The following SLC7A11 variants were observed in gnomAD, a reference collection of about 807,000 sequenced individuals.
SLC7A11 encodes cystine/glutamate transporter.
In SLC7A11, 35 loss-of-function variants were observed where a neutral mutation model predicts 54.5. The ratio of observed to expected loss-of-function variants is 0.64; its 90% confidence interval spans 0.49 to 0.85. The LOEUF is 0.85. Among genes scored for constraint, SLC7A11 ranks in the 40% least tolerant of loss-of-function variants. The pLI, the probability that SLC7A11 is intolerant of heterozygous loss-of-function variation, is 0.00. For missense variants in SLC7A11, 583 were observed against 618.1 expected (o/e 0.94, Z 0.60); for synonymous variants, 230 against 225.2 (o/e 1.02, Z -0.19).
chr4:138,182,317 G>C lies in SLC7A11; in HGVS notation c.1096C>G (p.Leu366Val). ...SMIHVRKHTP[L>V]PAVIVLHPLT... Reference sequence around the variant, plus strand: ...ATTACCAAAACAATAACAGCTGGTAGAGGAGTGTGCTTGCGGACATGAATC... The same window carrying C: ...ATTACCAAAACAATAACAGCTGGTACAGGAGTGTGCTTGCGGACATGAATC... The change falls in exon 9 of 12, where the codon CTA becomes GTA. Residue 366 changes from leucine to valine, a missense_variant. By Grantham distance (32) the Leu-to-Val change is conservative. Coordinates refer to ENST00000280612, the MANE Select transcript of SLC7A11 (RefSeq NM_014331.4). The C allele has an allele frequency of 1.2e-6, 2 of 1,608,562 alleles. No individual in the cohort carries two copies. The highest frequency in any genetic ancestry group is 1.7e-6 in the Non-Finnish European group (2 of 1,175,370).
chr4:138,178,251 T>G (rs899128089), intron 11 of SLC7A11: 4 of 152,172 alleles, frequency 2.6e-5, no homozygotes, highest in African/African-American at 9.7e-5. Flanking sequence ...TCTGTTCCTG[T>G]GTTAGTTTGC....
intron 3 of SLC7A11, among the ~76,000 whole-genome samples, 189 bp from the exon 4 acceptor site, chr4:138,223,513 C>T (rs1440528083): frequency 6.6e-6 from 1 of 152,160 alleles, no homozygotes; most frequent in African/African-American, 2.4e-5. Context: ...AACAGGTTCT[C>T]CAGCTGGTTT....
In SLC7A11 at chr4:138,170,233, A is replaced by AGTGTGTGTGT. The variant is rs1285231800; in HGVS notation, c.*1713_*1722dup. 4 of 98,626 alleles carry AGTGTGTGTGT rather than the reference A, an allele frequency of 4.1e-5. No homozygotes were observed. Among genetic ancestry groups the AGTGTGTGTGT allele is most frequent in the African/African-American group, 1.5e-4 (4 of 26,512 alleles). 6.1% of individuals were successfully genotyped at this position (98,626 alleles called of 1,614,324 possible). A position where few individuals can be genotyped will look rare whatever the true frequency, so the allele number is the denominator to read the frequency against. ...TATATATATATATATATATATAAAA[A>AGTGTGTGTGT]GTGTGTGTGTGTGTGTGTATATATA... On this transcript the variant is annotated 3_prime_UTR_variant, in exon 12 of 12. Transcript: ENST00000280612.
In SLC7A11 at chr4:138,179,237, C is replaced by A; in HGVS notation, c.1424G>T (p.Arg475Met). The change falls in exon 11 of 12, where the codon AGG becomes ATG. Residue 475 changes from arginine (R) to methionine (M), a missense_variant. Transcript: ENST00000280612. ...CTTACCCGACATTATTCTAAACCAC[C>A]TGGGTTTCTTGTCCCATATAATAAA... ...YLFIIWDKKP[R>M]WFRIMSEKIT... 6.2e-7 allele frequency: 1 copy of A among 1,610,288 alleles called. No homozygotes were observed. The highest frequency in any genetic ancestry group is 8.5e-7 in the Non-Finnish European group (1 of 1,177,096).
chr4:138,182,164 C>A, intron 9 of SLC7A11, 133 bp downstream of exon 9: 1 of 579,934 alleles, frequency 1.7e-6, no homozygotes, highest in Non-Finnish European at 3.1e-6. Context: ...GATATCCTGC[C>A]TCCCAAACTC....
At chr4:138,185,013 GA>G in intron 7 of SLC7A11, 107 bp downstream of exon 7, 1 of 1,278,048 alleles carries the variant, frequency 7.8e-7, no homozygotes, top group South Asian at 1.2e-5. Flanking sequence ...TTCAGGTCAA[GA>G]AAAGATTACT....
rs1048766342 is a variant in SLC7A11 at position 138,197,475 on chromosome 4, A to G, written c.792-12231T>C. On this transcript the variant is annotated intron_variant, in intron 6 of 11. Transcript: ENST00000280612. ...TTAGTTAACATTTTTTAAATCTGAAAGAAGAAAAATAAGTCAAGTTAATAA... is the reference window on the plus strand; with the variant it reads ...TTAGTTAACATTTTTTAAATCTGAAGGAAGAAAAATAAGTCAAGTTAATAA... Among the ~76,000 whole-genome samples the G allele has an allele frequency of 3.3e-5, 5 of 152,132 alleles. No individual in the cohort carries two copies. The East Asian group carries it at 9.6e-4, about 29-fold the overall frequency.
At position 138,178,811 on chromosome 4, in the gene SLC7A11, C is replaced by T. The variant is rs180681215; in HGVS notation, c.1444+406G>A. 2.0e-5 allele frequency among the ~76,000 whole-genome samples: 3 copies of T among 152,252 alleles called. No individual in the cohort carries two copies. The East Asian group carries it at 5.8e-4, about 29-fold the overall frequency. On this transcript the variant is annotated intron_variant, in intron 11 of 11. Coordinates refer to ENST00000280612, the MANE Select transcript of SLC7A11 (RefSeq NM_014331.4). ...ACAGTCATAATGTTTAAGGCATTTG[C>T]AGGCCACTGCCTAACTCCCCAACAA...
intron 11 of SLC7A11, among the ~76,000 whole-genome samples, chr4:138,172,371 T>C (rs1736448245): frequency 6.6e-6 from 1 of 152,254 alleles, no homozygotes; most frequent in Non-Finnish European, 1.5e-5. Context: ...TTATTCTTTT[T>C]GCACCTATGA....
At position 138,164,527 on chromosome 4, in the gene SLC7A11, G is replaced by C. The variant is rs887359903; in HGVS notation, c.*7429C>G. The C allele has an allele frequency of 3.9e-5, 6 of 152,122 alleles. No individual in the cohort carries two copies. Among genetic ancestry groups the C allele is most frequent in the African/African-American group, 1.4e-4 (6 of 41,444 alleles). The allele number at this position is 152,122 out of a possible 1,614,324, so 9.4% of individuals were successfully genotyped here. A position where few individuals can be genotyped will look rare whatever the true frequency, so the allele number is the denominator to read the frequency against. The stretch of plus-strand genomic sequence containing the variant: ...GAAACAACGCAATCCACAGATGAAA[G>C]TCTCTCTGCACCATTTATATCTTCA... On this transcript the variant is annotated 3_prime_UTR_variant, in exon 12 of 12. Transcript: ENST00000280612.
rs1226650723 is a variant in SLC7A11 at position 138,179,259 on chromosome 4, TAA to T, written c.1400_1401del (p.Phe467TyrfsTer11). 1 of 1,612,110 alleles carries T rather than the reference TAA, an allele frequency of 6.2e-7. No homozygotes were observed. The highest frequency in any genetic ancestry group is 1.3e-5 in the African/African-American group (1 of 74,808). On this transcript the variant is annotated frameshift_variant, in exon 11 of 12. Transcript: ENST00000280612. LOFTEE classifies it high-confidence loss of function. ...CACCTGGGTTTCTTGTCCCATATAA[TAA>T]AGAGATAATACGCAGGGACTCCAGT... ...TLTGVPAYYL[F>X]IIWDKKPRWF...
At chr4:138,213,981 T>C (rs886100337) in intron 6 of SLC7A11, among the ~76,000 whole-genome samples, 18 of 152,276 alleles carry the variant, frequency 1.2e-4, no homozygotes, top group African/African-American at 3.8e-4. Context: ...ATAAGAATAA[T>C]TCATTTTTCC....
chr4:138,197,958 TAATA>T (rs980633761), intron 6 of SLC7A11, among the ~76,000 whole-genome samples: 1 of 149,856 alleles, frequency 6.7e-6, no homozygotes, highest in Non-Finnish European at 1.5e-5. Context: ...AAATATAATA[TAATA>T]AATAAAAAGT....
chr4:138,183,401 G>C (rs1042119914), intron 7 of SLC7A11, 96 bp from the exon 8 acceptor site: 6 of 752,064 alleles, frequency 8.0e-6, no homozygotes, highest in African/African-American at 5.2e-5. Context: ...CTTTCTATTA[G>C]CCTGGTGATA....
At chr4:138,214,777 C>A in intron 5 of SLC7A11, 148 bp from the exon 6 acceptor site, 1 of 346,602 alleles carries the variant, frequency 2.9e-6, no homozygotes, top group Non-Finnish European at 5.3e-6. Flanking sequence ...ACTAAATACT[C>A]CCATAAGTCA....
rs115375058 is a variant in SLC7A11 at position 138,215,351 on chromosome 4, C to T, written c.747-722G>A. On this transcript the variant is annotated intron_variant, in intron 5 of 11. Coordinates refer to ENST00000280612, the MANE Select transcript of SLC7A11 (RefSeq NM_014331.4). The stretch of plus-strand genomic sequence containing the variant: ...TTCATAGGTACAAATTCTCTAAAAT[C>T]GAAAATCAAGTGGCTGGAATATAAG... 2.3e-3 allele frequency among the ~76,000 whole-genome samples: 350 copies of T among 152,096 alleles called. 2 individuals are homozygous for T. Among genetic ancestry groups the T allele is most frequent in the South Asian group, 8.1e-3 (39 of 4,826 alleles).
chr4:138,166,968 A>C lies in SLC7A11; in HGVS notation c.*4988T>G, dbSNP rs972567029. The C allele has an allele frequency of 6.6e-6, 1 of 152,122 alleles. No individual in the cohort carries two copies. Among genetic ancestry groups the C allele is most frequent in the Non-Finnish European group, 1.5e-5 (1 of 68,016 alleles). The allele number at this position is 152,122 out of a possible 1,614,324, so 9.4% of individuals were successfully genotyped here. A position where few individuals can be genotyped will look rare whatever the true frequency, so the allele number is the denominator to read the frequency against. Reference sequence around the variant, plus strand: ...CTATGATTTATGCTTTTGTGAATGTATACCTGATCTAAAATTAGACAAAAC... The same window carrying C: ...CTATGATTTATGCTTTTGTGAATGTCTACCTGATCTAAAATTAGACAAAAC... On this transcript the variant is annotated 3_prime_UTR_variant, in exon 12 of 12. Coordinates refer to ENST00000280612, the MANE Select transcript of SLC7A11 (RefSeq NM_014331.4).
chr4:138,203,475 T>C (rs1737336110), intron 6 of SLC7A11, among the ~76,000 whole-genome samples: 1 of 152,082 alleles, frequency 6.6e-6, no homozygotes. Context: ...CTCTATATTT[T>C]TGCATAGTAC....
In SLC7A11 at chr4:138,169,826, T is replaced by A. The variant is rs1374976659; in HGVS notation, c.*2130A>T. 6.6e-6 allele frequency: 1 copy of A among 152,060 alleles called. No individual in the cohort carries two copies. The highest frequency in any genetic ancestry group is 2.4e-5 in the African/African-American group (1 of 41,432). 9.4% of individuals were successfully genotyped at this position (152,060 alleles called of 1,614,324 possible). On this transcript the variant is annotated 3_prime_UTR_variant, in exon 12 of 12. Coordinates refer to ENST00000280612, the MANE Select transcript of SLC7A11 (RefSeq NM_014331.4). ...CAATATTTACTGGAAATAGGAATTA[T>A]AAATCAAATTTTGAAAACCCTATGC...
Sources: allele counts gnomAD v4.1 joint callset (sites outside exome capture counted in the v4.1 genomes callset), GRCh38; gene constraint gnomAD v4.1.1; transcripts MANE v1.5; gene names NCBI Gene and HGNC (gene_info 2026-07-23, HGNC 2026-07-21).